Variants in ABTB2 observed in about 807,000 individuals in gnomAD.
ABTB2 encodes ankyrin repeat and BTB domain containing 2.
Under a neutral mutation model 104.1 loss-of-function variants are expected in ABTB2, and 56 were observed. The ratio of observed to expected loss-of-function variants is 0.54; its 90% confidence interval spans 0.43 to 0.67. ABTB2 has a LOEUF of 0.67. Ranked by LOEUF, ABTB2 falls within the 30% of genes least tolerant of loss-of-function variation. The probability of loss-of-function intolerance (pLI) is 0.00; values close to 1 mark genes in which losing one functional copy is unlikely to be tolerated. For missense variants in ABTB2, 1,279 were observed against 1,407.7 expected (o/e 0.91, Z 1.46); for synonymous variants, 606 against 608.2 (o/e 1.00, Z 0.05).
chr11:34,210,840 C>A (rs182021136), intron 1 of ABTB2, among the ~76,000 whole-genome samples: 1 of 152,194 alleles, frequency 6.6e-6, no homozygotes, highest in African/African-American at 2.4e-5. Context: ...CTTAGGTGCG[C>A]GGGAAGCTTG....
At chr11:34,311,660 T>C (rs1488650453) in intron 1 of ABTB2, among the ~76,000 whole-genome samples, 1 of 152,164 alleles carries the variant, frequency 6.6e-6, no homozygotes, top group Non-Finnish European at 1.5e-5. Flanking sequence ...GAAAAGAAGG[T>C]GTCCATTTAT....
chr11:34,286,647 C>T (rs1854510147), intron 1 of ABTB2, among the ~76,000 whole-genome samples: 1 of 152,134 alleles, frequency 6.6e-6, no homozygotes, highest in South Asian at 2.1e-4. Flanking sequence ...TTCGCCAGCA[C>T]CCTTCTTCCA....
intron 1 of ABTB2, among the ~76,000 whole-genome samples, chr11:34,253,339 T>C (rs1210567821): frequency 6.6e-6 from 1 of 152,216 alleles, no homozygotes. Context: ...CAGACAGACC[T>C]GCACAGCTCT....
chr11:34,215,127 T>G (rs940052687), intron 1 of ABTB2, among the ~76,000 whole-genome samples: 1 of 152,228 alleles, frequency 6.6e-6, no homozygotes, highest in African/African-American at 2.4e-5. Flanking sequence ...TGAGCCTGTG[T>G]GATCATTCTA....
At position 34,159,341 on chromosome 11, in the gene ABTB2, G is replaced by C. The variant is rs775222315; in HGVS notation, c.2652C>G (p.Ser884Arg). 1 of 1,613,976 alleles carries C rather than the reference G, an allele frequency of 6.2e-7. No homozygotes were observed. Among genetic ancestry groups the C allele is most frequent in the Non-Finnish European group, 8.5e-7 (1 of 1,179,926 alleles). The change falls in exon 14 of 17, where the codon AGC becomes AGG. Residue 884 changes from serine to arginine, a missense_variant. Coordinates refer to ENST00000435224, the MANE Select transcript of ABTB2 (RefSeq NM_145804.3). ...MTNKSEQDGD[S>R]SKTIEISDMK... ...TGTCGCTGATCTCGATGGTCTTGCT[G>C]CTGTCCCCATCCTGTTCTGATTTAT...
Position 34,357,210 on chromosome 11 carries a change from A to T in ABTB2, c.374T>A (p.Val125Glu). The T allele has an allele frequency of 6.6e-7, 1 of 1,509,032 alleles. No individual in the cohort carries two copies. The highest frequency in any genetic ancestry group is 8.8e-7 in the Non-Finnish European group (1 of 1,136,294). The allele number at this position is 1,509,032 out of a possible 1,614,324, so 93.5% of individuals were successfully genotyped here. Residue 125 changes from valine (V) to glutamate (E), a missense_variant, in exon 1 of 17, where the codon GTG becomes GAG. Physicochemically the swap from Val to Glu is moderately radical, Grantham distance 121. Transcript: ENST00000435224. ...GCGGAGCAGCCCGGCCAGGCGCCTC[A>T]CCGCCTCGGCGGAGAACTGGGGCAG... is the stretch of plus-strand genomic sequence containing the variant. ...RRLPQFSAEA[V>E]RRLAGLLRRA... is the part of the protein sequence containing the mutation.
chr11:34,170,989 T>G lies in ABTB2; in HGVS notation c.1480A>C (p.Met494Leu). 1 of 1,614,138 alleles carries G rather than the reference T, an allele frequency of 6.2e-7. No individual in the cohort carries two copies. Among genetic ancestry groups the G allele is most frequent in the Non-Finnish European group, 8.5e-7 (1 of 1,180,028 alleles). ...EKFNQDLGFR[M>L]LNCGRTDLIN... ...AGGTCCGTCCTCCCACAGTTGAGCA[T>G]GCGGAAACCCAGGTCCTGGTTGAAT... Residue 494 changes from methionine (M) to leucine (L), a missense_variant, in exon 5 of 17, where the codon ATG becomes CTG. Met to Leu is a conservative substitution (Grantham distance 15). Transcript: ENST00000435224.
In ABTB2 at chr11:34,357,931, G is replaced by C. The variant is rs1855488404; in HGVS notation, c.-348C>G. On this transcript the variant is annotated 5_prime_UTR_variant, in exon 1 of 17. Transcript: ENST00000435224. ...GGAGAACAGGGCGGCGGCGGCAGAA[G>C]GAGGAGGCGGCGGCGCAGGGCGCAG... 1 of 241,454 alleles carries C rather than the reference G, an allele frequency of 4.1e-6. No homozygotes were observed. Among genetic ancestry groups the C allele is most frequent in the Non-Finnish European group, 7.9e-6 (1 of 126,990 alleles). The allele number at this position is 241,454 out of a possible 1,614,324, so 15.0% of individuals were successfully genotyped here.
chr11:34,199,045 T>C (rs1001805525), intron 2 of ABTB2, among the ~76,000 whole-genome samples: 9 of 152,252 alleles, frequency 5.9e-5, no homozygotes, highest in Admixed American at 2.6e-4. Flanking sequence ...TGGTGTTCTG[T>C]TCCGTTGTGT....
intron 1 of ABTB2, among the ~76,000 whole-genome samples, chr11:34,281,785 T>A (rs1854451411): frequency 6.6e-6 from 1 of 152,258 alleles, no homozygotes; most frequent in South Asian, 2.1e-4. Context: ...TGGAACACTG[T>A]GCCTCTTCTC....
chr11:34,168,432 A>G lies in ABTB2; in HGVS notation c.1564-440T>C, dbSNP rs577952257. ...AATGAGCTTACCTTGATTAAGAGCT[A>G]TGTAATTAAAATACCAACAACACTC... is the stretch of plus-strand genomic sequence containing the variant. On this transcript the variant is annotated intron_variant, in intron 5 of 16. Transcript: ENST00000435224. Among the ~76,000 whole-genome samples the G allele has an allele frequency of 2.6e-5, 4 of 152,350 alleles. No homozygotes were observed. In the South Asian group the frequency reaches 8.3e-4, roughly 32 times the overall value.
At chr11:34,171,669 A>C (rs1055243616) in intron 4 of ABTB2, among the ~76,000 whole-genome samples, 1 of 152,168 alleles carries the variant, frequency 6.6e-6, no homozygotes, top group Non-Finnish European at 1.5e-5. Context: ...ACAATCTGTT[A>C]TGGGTCTGCC....
chr11:34,257,669 G>A (rs938068287), intron 1 of ABTB2, among the ~76,000 whole-genome samples: 61 of 152,264 alleles, frequency 4.0e-4, no homozygotes, highest in African/African-American at 1.3e-3. Context: ...GCTCACTGCA[G>A]CTTCGACCTC....
At chr11:34,203,185 C>T (rs988849497) in intron 2 of ABTB2, among the ~76,000 whole-genome samples, 2 of 152,196 alleles carry the variant, frequency 1.3e-5, no homozygotes, top group Non-Finnish European at 2.9e-5. Flanking sequence ...GAGTCAAGCC[C>T]CCAGCTCTGA....
In ABTB2 at chr11:34,156,271, T is replaced by C. The variant is rs114211720; in HGVS notation, c.2698-1502A>G. Among the ~76,000 whole-genome samples the C allele has an allele frequency of 5.5e-3, 832 of 152,286 alleles. 17 individuals are homozygous for C. Among genetic ancestry groups the C allele is most frequent in the African/African-American group, 0.019 (805 of 41,544 alleles). On this transcript the variant is annotated intron_variant, in intron 14 of 16. Coordinates refer to ENST00000435224, the MANE Select transcript of ABTB2 (RefSeq NM_145804.3). ...TCACCTGGAGCCTTGCTATGGGAGCTGGGCAGCCAGCAGGCAGAGGTGGGT... is the reference window on the plus strand; with the variant it reads ...TCACCTGGAGCCTTGCTATGGGAGCCGGGCAGCCAGCAGGCAGAGGTGGGT...
intron 3 of ABTB2, 43 bp downstream of exon 3, chr11:34,197,282 G>A: frequency 1.3e-6 from 2 of 1,597,966 alleles, no homozygotes; most frequent in South Asian, 2.2e-5. Flanking sequence ...TGCACGTTTG[G>A]GAGCACGTCC....
chr11:34,173,165 G>A lies in ABTB2; in HGVS notation c.1387C>T (p.Arg463Trp). ...CTCCCTGGTTCATACTTGAGCTGCCGAGGTTCACAGTCCAGACCAGGCAGC... is the reference window on the plus strand; with the variant it reads ...CTCCCTGGTTCATACTTGAGCTGCCAAGGTTCACAGTCCAGACCAGGCAGC... ...LLLPGLDCEPRQLKPEHCFSS... is the reference protein window; with the variant it reads ...LLLPGLDCEPWQLKPEHCFSS... The change falls in exon 4 of 17, where the codon CGG (arginine) becomes TGG (tryptophan). Residue 463 changes from arginine to tryptophan, a missense_variant. Coordinates refer to ENST00000435224, the MANE Select transcript of ABTB2 (RefSeq NM_145804.3). The A allele has an allele frequency of 3.7e-6, 6 of 1,613,774 alleles. No individual in the cohort carries two copies. The highest frequency in any genetic ancestry group is 2.5e-6 in the Non-Finnish European group (3 of 1,179,918).
At chr11:34,299,302 G>A (rs11032604) in intron 1 of ABTB2, among the ~76,000 whole-genome samples, 30,826 of 152,038 alleles carry the variant, frequency 0.2, 3,759 homozygotes, top group East Asian at 0.45. Flanking sequence ...TCTAGGACAC[G>A]GCTATACACG....
chr11:34,346,607 A>G (rs1220154131), intron 1 of ABTB2, among the ~76,000 whole-genome samples: 1 of 152,208 alleles, frequency 6.6e-6, no homozygotes, highest in Non-Finnish European at 1.5e-5. Flanking sequence ...GATACTAATT[A>G]CAGCGCTCGA....
Sources: gnomAD v4.1 joint callset for allele counts (sites outside exome capture counted in the v4.1 genomes callset) on GRCh38, gnomAD v4.1.1 for gene constraint, MANE v1.5 for transcripts, NCBI Gene and HGNC (gene_info 2026-07-23, HGNC 2026-07-21) for gene names.